METAP1: variants seen among roughly 807,000 people sequenced by gnomAD.
The protein encoded by METAP1 is methionyl aminopeptidase 1.
In METAP1, 28 loss-of-function variants were observed where a neutral mutation model predicts 53.8. That is an observed-to-expected ratio of 0.52 (90% CI 0.39 to 0.71). The LOEUF (loss-of-function observed/expected upper bound fraction) is 0.71. Among genes scored for constraint, METAP1 ranks in the 30% least tolerant of loss-of-function variants. The pLI is 0.00. For synonymous variants in METAP1, 181 were observed against 165.7 expected (o/e 1.09, Z -0.71); for missense variants, 389 against 479.8 (o/e 0.81, Z 1.77).
In METAP1 at chr4:98,999,544, T is replaced by C. The variant is rs147249469; in HGVS notation, c.114+3677T>C. On this transcript the variant is annotated intron_variant, in intron 1 of 10. Transcript: ENST00000296411. Reference sequence around the variant, plus strand: ...TTTTTTTTTTGAGACCGAGTCTTGCTCTGTCACCCAGGCTGGAGTGCAGTG... The same window carrying C: ...TTTTTTTTTTGAGACCGAGTCTTGCCCTGTCACCCAGGCTGGAGTGCAGTG... 1.0e-2 allele frequency among the ~76,000 whole-genome samples: 1,415 copies of C among 141,966 alleles called. 12 individuals carry two copies. Among genetic ancestry groups the C allele is most frequent in the Non-Finnish European group, 0.016 (1,056 of 66,038 alleles). 93.1% of individuals were successfully genotyped at this position (141,966 alleles called of 152,430 possible).
At position 99,054,293 on chromosome 4, in the gene METAP1, C is replaced by A. The variant is rs562416479; in HGVS notation, c.932-3460C>A. Among the ~76,000 whole-genome samples, 4 of 152,280 alleles carry A rather than the reference C, an allele frequency of 2.6e-5. No individual in the cohort carries two copies. The South Asian group carries it at 8.3e-4, about 32-fold the overall frequency. ...TCTACATCAGCACTTGCCGCTTCAC[C>A]GTGCACTTTTATGTAATGGAGACGG... On this transcript the variant is annotated intron_variant, in intron 9 of 10. Transcript: ENST00000296411.
intron 1 of METAP1, among the ~76,000 whole-genome samples, chr4:98,999,046 A>G (rs574891695): frequency 1.1e-4 from 16 of 152,150 alleles, no homozygotes; most frequent in African/African-American, 3.9e-4. Context: ...ACCTCAGGTG[A>G]TCCACCCTCC....
At chr4:99,009,128 T>C (rs1189039815) in intron 1 of METAP1, among the ~76,000 whole-genome samples, 1 of 152,212 alleles carries the variant, frequency 6.6e-6, no homozygotes, top group Non-Finnish European at 1.5e-5. Flanking sequence ...GATTACACAA[T>C]ATTTGTTCTT....
chr4:99,026,287 TATA>T (rs1724552579), intron 1 of METAP1: 1 of 984,832 alleles, frequency 1.0e-6, no homozygotes, highest in Non-Finnish European at 1.2e-6. Context: ...ACCTACTAGT[TATA>T]ATAATGCTTT....
intron 4 of METAP1, chr4:99,039,096 C>T (rs1004103403): frequency 7.3e-5 from 17 of 231,822 alleles, no homozygotes; most frequent in Non-Finnish European, 1.2e-4. Flanking sequence ...GATTATCACA[C>T]GGCCTGGCAT....
intron 8 of METAP1, 138 bp from the exon 9 acceptor site, chr4:99,048,595 C>T (rs552801547): frequency 5.9e-5 from 54 of 917,036 alleles, no homozygotes; most frequent in Non-Finnish European, 8.8e-5. Context: ...GTCTTGAACT[C>T]CTGAGCTCAG....
chr4:99,029,579 G>C (rs1337619864), intron 2 of METAP1, among the ~76,000 whole-genome samples: 1 of 152,078 alleles, frequency 6.6e-6, no homozygotes, highest in African/African-American at 2.4e-5. Flanking sequence ...AGTTGACAAG[G>C]GCTTTCTGTT....
rs574185922 is a variant in METAP1 at position 99,018,190 on chromosome 4, C to T, written c.115-10677C>T. Among the ~76,000 whole-genome samples the T allele has an allele frequency of 1.7e-4, 26 of 152,336 alleles. No homozygotes were observed. In the South Asian group the frequency reaches 2.5e-3, roughly 15 times the overall value. On this transcript the variant is annotated intron_variant, in intron 1 of 10. Coordinates refer to ENST00000296411, the MANE Select transcript of METAP1 (RefSeq NM_015143.3). ...GGCAGGGGCAAGGAGACATTTCCCT[C>T]GACCTGTTCAGGTCCTATTCTCCTT...
chr4:99,021,212 CA>C (rs1414216441), intron 1 of METAP1, among the ~76,000 whole-genome samples: 2 of 152,210 alleles, frequency 1.3e-5, no homozygotes, highest in African/African-American at 4.8e-5. Flanking sequence ...CACTTTCTCT[CA>C]ACCACAGTCA....
chr4:99,022,709 A>G (rs1579269540), intron 1 of METAP1: 2 of 1,495,508 alleles, frequency 1.3e-6, no homozygotes, highest in Non-Finnish European at 9.2e-7. Flanking sequence ...GAGATTCCAT[A>G]GGTCATAATG....
chr4:99,022,008 C>T (rs1560705127), intron 1 of METAP1, among the ~76,000 whole-genome samples: 1 of 152,184 alleles, frequency 6.6e-6, no homozygotes, highest in Non-Finnish European at 1.5e-5. Context: ...CCTTACAAGG[C>T]CCTTCCTGGG....
intron 1 of METAP1, among the ~76,000 whole-genome samples, chr4:99,025,105 T>C (rs1298020046): frequency 1.3e-5 from 2 of 152,272 alleles, no homozygotes; most frequent in East Asian, 3.8e-4. Flanking sequence ...CCAGCCCATC[T>C]GCTGCTCACC....
intron 10 of METAP1, among the ~76,000 whole-genome samples, chr4:99,060,720 A>G (rs532255066): frequency 3.5e-4 from 54 of 152,262 alleles, no homozygotes; most frequent in African/African-American, 1.1e-3. Context: ...CTCAAGGTTC[A>G]TCTGTGTTGT....
intron 1 of METAP1, 60 bp from the exon 2 acceptor site, chr4:99,028,807 C>T: frequency 1.6e-6 from 2 of 1,244,054 alleles, no homozygotes; most frequent in South Asian, 1.4e-5. Context: ...ATACAATATT[C>T]CTTAAAATGT....
At chr4:99,003,919 C>A (rs1723039312) in intron 1 of METAP1, among the ~76,000 whole-genome samples, 2 of 152,166 alleles carry the variant, frequency 1.3e-5, no homozygotes, top group African/African-American at 4.8e-5. Flanking sequence ...CGAAGCTGCC[C>A]CTTTCCCACC....
At chr4:99,040,474 ATTT>A (rs35357531) in intron 5 of METAP1, among the ~76,000 whole-genome samples, 1 of 146,584 alleles carries the variant, frequency 6.8e-6, no homozygotes, top group Admixed American at 6.8e-5. Context: ...TCATTCATCT[ATTT>A]TTTTTTTTTT....
At chr4:99,049,715 C>T (rs1265641543) in intron 9 of METAP1, among the ~76,000 whole-genome samples, 1 of 152,132 alleles carries the variant, frequency 6.6e-6, no homozygotes, top group Non-Finnish European at 1.5e-5. Flanking sequence ...TAGATGAACA[C>T]TTTCATCTCC....
intron 1 of METAP1, among the ~76,000 whole-genome samples, chr4:98,998,317 G>C (rs1216386747): frequency 1.3e-5 from 2 of 152,200 alleles, no homozygotes; most frequent in Non-Finnish European, 2.9e-5. Flanking sequence ...GAGGTCAGGA[G>C]TTTGAGACCA....
intron 9 of METAP1, among the ~76,000 whole-genome samples, chr4:99,050,187 T>C (rs760288327): frequency 1.3e-5 from 2 of 152,020 alleles, no homozygotes; most frequent in Admixed American, 6.6e-5. Context: ...GTGCTTCAAA[T>C]AGAGAAAAAC....
Sources: allele counts gnomAD v4.1 joint callset (sites outside exome capture counted in the v4.1 genomes callset), GRCh38; gene constraint gnomAD v4.1.1; transcripts MANE v1.5; gene names NCBI Gene and HGNC (gene_info 2026-07-23, HGNC 2026-07-21).